Variants in CDCA4 observed in about 807,000 individuals in gnomAD.
The protein encoded by CDCA4 is cell division cycle-associated protein 4.
For synonymous variants in CDCA4, 130 were observed against 137.0 expected (o/e 0.95, Z 0.36); for missense variants, 294 against 322.1 (o/e 0.91, Z 0.67).
intron 1 of CDCA4, among the ~76,000 whole-genome samples, chr14:105,020,084 T>C (rs1345137050): frequency 6.6e-6 from 1 of 152,146 alleles, no homozygotes; most frequent in Admixed American, 6.5e-5. Context: ...CAGTGGCAAG[T>C]TGAGGGAAAC....
In CDCA4 at chr14:105,009,945, C is replaced by G. The variant is rs1336782350; in HGVS notation, c.*1259G>C. On this transcript the variant is annotated 3_prime_UTR_variant, in exon 2 of 2. Transcript: ENST00000336219. ...TAACACCACATTCCCATTTTGTTTG[C>G]TGGATAATTTTTTAATAAAGTGAGG... is the stretch of plus-strand genomic sequence containing the variant. 2.0e-5 allele frequency: 3 copies of G among 152,210 alleles called. No individual in the cohort carries two copies. Among genetic ancestry groups the G allele is most frequent in the Non-Finnish European group, 4.4e-5 (3 of 68,038 alleles). The allele number at this position is 152,210 out of a possible 1,614,324, so 9.4% of individuals were successfully genotyped here.
At chr14:105,016,105 C>T (rs935977504) in intron 1 of CDCA4, among the ~76,000 whole-genome samples, 2 of 152,204 alleles carry the variant, frequency 1.3e-5, no homozygotes, top group African/African-American at 4.8e-5. Flanking sequence ...AGAGGAGGGC[C>T]GCACCCTTGC....
rs759121130 is a variant in CDCA4, at chr14:105,010,407, A to G, written c.*797T>C. 6 of 152,260 alleles carry G rather than the reference A, an allele frequency of 3.9e-5. No individual in the cohort carries two copies. Among genetic ancestry groups the G allele is most frequent in the African/African-American group, 7.2e-5 (3 of 41,456 alleles). 9.4% of individuals were successfully genotyped at this position (152,260 alleles called of 1,614,324 possible). A position where few individuals can be genotyped will look rare whatever the true frequency, so the allele number is the denominator to read the frequency against. On this transcript the variant is annotated 3_prime_UTR_variant, in exon 2 of 2. Coordinates refer to ENST00000336219, the MANE Select transcript of CDCA4 (RefSeq NM_017955.4). ...GACCAACTGGTGCCTGTGATCTACA[A>G]ACAGACAAATATTTGACCTTTGTCT...
At chr14:105,015,684 T>TTTG (rs201117401) in intron 1 of CDCA4, among the ~76,000 whole-genome samples, 22 of 152,078 alleles carry the variant, frequency 1.4e-4, no homozygotes, top group Non-Finnish European at 2.2e-4. Context: ...GCCCCACTTC[T>TTTG]TTGTTGTTGT....
intron 1 of CDCA4, among the ~76,000 whole-genome samples, chr14:105,012,268 G>A (rs767898248): frequency 2.5e-4 from 38 of 152,252 alleles, no homozygotes; most frequent in Admixed American, 7.9e-4. Flanking sequence ...GTAAGTGTTC[G>A]AGAGCTTGGC....
intron 1 of CDCA4, among the ~76,000 whole-genome samples, chr14:105,019,783 C>T (rs2140912590): frequency 1.1e-5 from 1 of 89,300 alleles, no homozygotes; most frequent in Non-Finnish European, 1.9e-5. Flanking sequence ...ACGATCTCGG[C>T]TGAGACCTCT....
chr14:105,013,589 T>C (rs758714003), intron 1 of CDCA4, among the ~76,000 whole-genome samples: 5 of 152,136 alleles, frequency 3.3e-5, no homozygotes, highest in Non-Finnish European at 5.9e-5. Context: ...GGGAGGCACA[T>C]GCTGTCTCTG....
At chr14:105,013,736 C>T (rs1900566962) in intron 1 of CDCA4, among the ~76,000 whole-genome samples, 1 of 152,172 alleles carries the variant, frequency 6.6e-6, no homozygotes, top group Non-Finnish European at 1.5e-5. Context: ...AAAGGGTCCC[C>T]CTGTTCTCTG....
chr14:105,018,937 A>G (rs1168738056), intron 1 of CDCA4, among the ~76,000 whole-genome samples: 1 of 151,940 alleles, frequency 6.6e-6, no homozygotes, highest in Non-Finnish European at 1.5e-5. Flanking sequence ...GGGTTTCACC[A>G]TGTTGGCCAG....
At position 105,011,143 on chromosome 14, in the gene CDCA4, T is replaced by C; in HGVS notation, c.*61A>G. On this transcript the variant is annotated 3_prime_UTR_variant, in exon 2 of 2. Transcript: ENST00000336219. ...CCGCTGGCGGCAGGCGCACCCTCCG[T>C]GGGAGCCAGTGCTCACGTGTCAATG... 1 of 1,526,154 alleles carries C rather than the reference T, an allele frequency of 6.6e-7. No homozygotes were observed. The allele number at this position is 1,526,154 out of a possible 1,614,324, so 94.5% of individuals were successfully genotyped here.
chr14:105,013,027 T>C (rs1251869373), intron 1 of CDCA4, among the ~76,000 whole-genome samples: 1 of 152,230 alleles, frequency 6.6e-6, no homozygotes, highest in African/African-American at 2.4e-5. Context: ...GCCTCAGCAC[T>C]GGCGCTGTTG....
At chr14:105,019,388 C>G (rs1025284945) in intron 1 of CDCA4, among the ~76,000 whole-genome samples, 1 of 152,168 alleles carries the variant, frequency 6.6e-6, no homozygotes, top group Admixed American at 6.5e-5. Flanking sequence ...CGTGGCTGAG[C>G]AATACCACGA....
At chr14:105,019,859 AT>A (rs1161984443) in intron 1 of CDCA4, among the ~76,000 whole-genome samples, 1 of 152,204 alleles carries the variant, frequency 6.6e-6, no homozygotes, top group African/African-American at 2.4e-5. Context: ...GATTACAGGC[AT>A]GCGCCATCAC....
chr14:105,018,000 A>T (rs943833864), intron 1 of CDCA4, among the ~76,000 whole-genome samples: 4 of 152,110 alleles, frequency 2.6e-5, no homozygotes, highest in South Asian at 2.1e-4. Flanking sequence ...ACACACAAAA[A>T]TATGTACCGT....
chr14:105,013,940 T>C (rs1468832913), intron 1 of CDCA4, among the ~76,000 whole-genome samples: 1 of 152,214 alleles, frequency 6.6e-6, no homozygotes, highest in Non-Finnish European at 1.5e-5. Context: ...ACCCTTCACC[T>C]GGGCACGGTG....
At chr14:105,014,299 C>T (rs1295422174) in intron 1 of CDCA4, among the ~76,000 whole-genome samples, 1 of 152,194 alleles carries the variant, frequency 6.6e-6, no homozygotes, top group Non-Finnish European at 1.5e-5. Flanking sequence ...GGCTGTGCAT[C>T]CTACAAGGAT....
intron 1 of CDCA4, among the ~76,000 whole-genome samples, chr14:105,014,158 G>C (rs1275069584): frequency 6.6e-6 from 1 of 152,194 alleles, no homozygotes. Flanking sequence ...AAAGGAACCT[G>C]CGCAGGGAGA....
chr14:105,012,259 T>G (rs1372257869), intron 1 of CDCA4, among the ~76,000 whole-genome samples: 1 of 152,248 alleles, frequency 6.6e-6, no homozygotes, highest in East Asian at 1.9e-4. Flanking sequence ...AAGAGAAATG[T>G]AAGTGTTCGA....
chr14:105,016,200 C>G (rs977049651), intron 1 of CDCA4, among the ~76,000 whole-genome samples: 5 of 152,206 alleles, frequency 3.3e-5, no homozygotes, highest in Non-Finnish European at 7.3e-5. Context: ...TCTGGAAGAG[C>G]ATCAAAAACC....
Sources: gnomAD v4.1 joint callset for allele counts (sites outside exome capture counted in the v4.1 genomes callset) on GRCh38, gnomAD v4.1.1 for gene constraint, MANE v1.5 for transcripts, NCBI Gene and HGNC (gene_info 2026-07-23, HGNC 2026-07-21) for gene names.